DEPDC5: variants seen among roughly 807,000 people sequenced by gnomAD.
DEPDC5 encodes GATOR1 complex protein DEPDC5.
A neutral mutation model predicts 217.3 loss-of-function variants in DEPDC5; 73 were observed. The observed-to-expected ratio is 0.34, with a 90% CI of 0.28 to 0.41. The LOEUF (loss-of-function observed/expected upper bound fraction) is 0.41. DEPDC5 is among the 10% of genes least tolerant of loss of function. The pLI is 1.00. For synonymous variants in DEPDC5, 733 were observed against 756.7 expected (o/e 0.97, Z 0.51); for missense variants, 1,675 against 2,070.1 (o/e 0.81, Z 3.70).
intron 4 of DEPDC5, among the ~76,000 whole-genome samples, chr22:31,762,084 T>C (rs1270770576): frequency 6.6e-6 from 1 of 151,868 alleles, no homozygotes; most frequent in Admixed American, 6.6e-5. Context: ...AGATTGCAGG[T>C]GTGATCCACC....
At chr22:31,781,600 T>A (rs2084450279) in intron 8 of DEPDC5, among the ~76,000 whole-genome samples, 1 of 152,012 alleles carries the variant, frequency 6.6e-6, no homozygotes, top group Non-Finnish European at 1.5e-5. Flanking sequence ...ACCTGGCTTT[T>A]TATATTTTTA....
chr22:31,837,366 A>G lies in DEPDC5; in HGVS notation c.2354+211A>G, dbSNP rs74490956. 152 of 598,850 alleles carry G rather than the reference A, an allele frequency of 2.5e-4. 3 individuals are homozygous for G. In the East Asian group the frequency reaches 4.2e-3, roughly 17 times the overall value. The allele number at this position is 598,850 out of a possible 1,614,324, so 37.1% of individuals were successfully genotyped here. ...CTTTTTTTTTCCTTTTTTTTTTTTA[A>G]CTGAGAGAGGGTCTCACTCTGTCGC... On this transcript the variant is annotated intron_variant, in intron 26 of 42. Transcript: ENST00000651528.
At chr22:31,828,565 C>G (rs1385229365) in intron 24 of DEPDC5, among the ~76,000 whole-genome samples, 1 of 151,584 alleles carries the variant, frequency 6.6e-6, no homozygotes, top group East Asian at 1.9e-4. Context: ...TAATTTTTCT[C>G]TAATGCTTTT....
At chr22:31,875,124 G>C (rs111362355) in intron 36 of DEPDC5, 3 of 164,848 alleles carry the variant, frequency 1.8e-5, no homozygotes, top group African/African-American at 7.2e-5. Context: ...CTTACCAGCT[G>C]AGTTGTCATC....
At position 31,838,774 on chromosome 22, in the gene DEPDC5, T is replaced by C. The variant is rs777644077; in HGVS notation, c.2444T>C (p.Val815Ala). The C allele has an allele frequency of 1.5e-5, 24 of 1,614,140 alleles. No individual in the cohort carries two copies. The highest frequency in any genetic ancestry group is 2.0e-5 in the Non-Finnish European group (24 of 1,180,018). ...QRLMQGYQII[V>A]QPKTQKPNPA... is the part of the protein sequence containing the mutation. ...CTCATGCAGGGCTACCAAATCATAG[T>C]GCAGCCCAAGACACAGAAACCCAAT... Residue 815 changes from valine to alanine, a missense_variant, in exon 27 of 43, where the codon GTG becomes GCG. Transcript: ENST00000651528.
Position 31,768,869 on chromosome 22 carries a change from T to C in DEPDC5, c.413+6T>C, listed in dbSNP as rs748450091. The C allele has an allele frequency of 1.5e-5, 24 of 1,613,856 alleles. No homozygotes were observed. The highest frequency in any genetic ancestry group is 2.0e-5 in the Non-Finnish European group (24 of 1,179,852). ...GTGGAGTTTGCTGGCATCAGGTAGA[T>C]ATTACATCACTCTTGCCTTATCTGT... is the stretch of plus-strand genomic sequence containing the variant. On this transcript the variant is annotated splice_donor_region_variant and intron_variant, in intron 7 of 42. Coordinates refer to ENST00000651528, the MANE Select transcript of DEPDC5 (RefSeq NM_001242896.3).
chr22:31,770,624 C>T (rs186866441), intron 7 of DEPDC5, among the ~76,000 whole-genome samples: 267 of 147,698 alleles, frequency 1.8e-3, no homozygotes, highest in Admixed American at 3.3e-3. Flanking sequence ...GAACTCCTGA[C>T]CTCGTGATCT....
intron 41 of DEPDC5, among the ~76,000 whole-genome samples, chr22:31,902,544 C>T (rs1302995604): frequency 6.6e-6 from 1 of 151,698 alleles, no homozygotes; most frequent in South Asian, 2.1e-4. Flanking sequence ...AGACCTAGCT[C>T]AGGTGCTTAG....
At chr22:31,796,990 C>T (rs1337133509) in intron 12 of DEPDC5, among the ~76,000 whole-genome samples, 1 of 151,104 alleles carries the variant, frequency 6.6e-6, no homozygotes, top group African/African-American at 2.4e-5. Context: ...CTACCATGCC[C>T]AGCCTCTTTT....
intron 41 of DEPDC5, among the ~76,000 whole-genome samples, chr22:31,903,194 C>A (rs1302273606): frequency 1.0e-5 from 1 of 97,822 alleles, no homozygotes; most frequent in African/African-American, 4.1e-5. Context: ...CACACCTAAC[C>A]CCCCTCCACC....
At position 31,906,146 on chromosome 22, in the gene DEPDC5, C is replaced by T; in HGVS notation, c.4520-59C>T. 3 of 1,613,224 alleles carry T rather than the reference C, an allele frequency of 1.9e-6. No individual in the cohort carries two copies. The highest frequency in any genetic ancestry group is 2.2e-5 in the East Asian group (1 of 44,874). On this transcript the variant is annotated intron_variant, in intron 42 of 42. Transcript: ENST00000651528. The surrounding 1 kb of genome is among the most constrained non-coding windows in gnomAD (Gnocchi z 5.1). ...CAAGCCTATGGCTGCAGAACCACCT[C>T]AGCAGGCTCCAGGAGCCCTCCTGGT...
chr22:31,884,514 C>T (rs2093258785), intron 38 of DEPDC5, among the ~76,000 whole-genome samples: 1 of 152,230 alleles, frequency 6.6e-6, no homozygotes, highest in Non-Finnish European at 1.5e-5. Context: ...TCTCTGACTC[C>T]TCCTTTAAAC....
At position 31,905,910 on chromosome 22, in the gene DEPDC5, A is replaced by G. The variant is rs746553515; in HGVS notation, c.4437-74A>G. 20 of 1,331,990 alleles carry G rather than the reference A, an allele frequency of 1.5e-5. No homozygotes were observed. The Admixed American group carries it at 1.8e-4, about 12-fold the overall frequency. 82.5% of individuals were successfully genotyped at this position (1,331,990 alleles called of 1,614,324 possible). On this transcript the variant is annotated intron_variant, in intron 41 of 42. Coordinates refer to ENST00000651528, the MANE Select transcript of DEPDC5 (RefSeq NM_001242896.3). ...GTGTCTCAGGCTGTCCGAGAGTCCT[A>G]TCAGCTACATTCTCTTCCCTTGCCC...
chr22:31,791,627 C>CAAAAAA (rs142053932), intron 10 of DEPDC5, among the ~76,000 whole-genome samples: 1 of 62,110 alleles, frequency 1.6e-5, no homozygotes, highest in Non-Finnish European at 3.2e-5. Context: ...GAGACTGCCT[C>CAAAAAA]AAAAAAAAAA....
chr22:31,893,615 T>TG lies in DEPDC5; in HGVS notation c.4069dup (p.Asp1357GlyfsTer3). 1 of 1,612,720 alleles carries TG rather than the reference T, an allele frequency of 6.2e-7. No homozygotes were observed. Among genetic ancestry groups the TG allele is most frequent in the Non-Finnish European group, 8.5e-7 (1 of 1,179,430 alleles). On this transcript the variant is annotated frameshift_variant, in exon 39 of 43. Coordinates refer to ENST00000651528, the MANE Select transcript of DEPDC5 (RefSeq NM_001242896.3). LOFTEE classifies it high-confidence loss of function. ...GTCCCAGAGCAGAGGACTGTGACCC[T>TG]GGATGTTGACGTGAACAACCGCACA...
intron 18 of DEPDC5, among the ~76,000 whole-genome samples, chr22:31,809,131 GT>G (rs1350789688): frequency 6.6e-6 from 1 of 151,948 alleles, no homozygotes; most frequent in East Asian, 1.9e-4. Context: ...AGCTCTATTA[GT>G]TTTTTTTCCT....
Position 31,838,745 on chromosome 22 carries a change from A to G in DEPDC5, c.2415A>G (p.Gln805=), listed in dbSNP as rs753325764. The G allele has an allele frequency of 1.2e-5, 20 of 1,614,026 alleles. No individual in the cohort carries two copies. Among genetic ancestry groups the G allele is most frequent in the East Asian group, 4.5e-5 (2 of 44,900 alleles). The change falls in exon 27 of 43, where the codon CAA becomes CAG. Residue 805 remains glutamine (Q), a synonymous_variant. Coordinates refer to ENST00000651528, the MANE Select transcript of DEPDC5 (RefSeq NM_001242896.3). ...AGGTATTTGAAGAGTTTATTTGCCA[A>G]CGTCTCATGCAGGGCTACCAAATCA... ...AQQVFEEFIC[Q]RLMQGYQIIV...
chr22:31,776,678 G>A (rs1423777537), intron 7 of DEPDC5, among the ~76,000 whole-genome samples: 2 of 143,790 alleles, frequency 1.4e-5, no homozygotes, highest in East Asian at 2.1e-4. Context: ...CGGGGTTCAA[G>A]TGATTCTGCC....
intron 24 of DEPDC5, 47 bp downstream of exon 24, chr22:31,822,837 C>T (rs374346098): frequency 1.1e-5 from 17 of 1,578,838 alleles, no homozygotes; most frequent in East Asian, 2.2e-5. Context: ...AGATCAGGCT[C>T]ACATCTGGAA....
Sources: allele counts gnomAD v4.1 joint callset (sites outside exome capture counted in the v4.1 genomes callset), GRCh38; gene constraint gnomAD v4.1.1; non-coding constraint Gnocchi (gnomAD v3.1); transcripts MANE v1.5; gene names NCBI Gene and HGNC (gene_info 2026-07-23, HGNC 2026-07-21).